Variants in TRPM2 observed in about 807,000 individuals in gnomAD.
The protein encoded by TRPM2 is transient receptor potential cation channel subfamily M member 2.
A neutral mutation model predicts 174.0 loss-of-function variants in TRPM2; 161 were observed. That is an observed-to-expected ratio of 0.93 (90% CI 0.81 to 1.05). TRPM2 has a LOEUF of 1.05. TRPM2 is among the 50% of genes least tolerant of loss of function. The probability of loss-of-function intolerance (pLI) is 0.00; values close to 1 mark genes in which losing one functional copy is unlikely to be tolerated. For synonymous variants in TRPM2, 954 were observed against 861.3 expected, an observed-to-expected ratio of 1.11 and a Z score of -1.88; for missense variants, 2,057 against 2,038.0, an observed-to-expected ratio of 1.01 and a Z score of -0.18.
At chr21:44,415,588 G>C (rs1280461517) in intron 20 of TRPM2, 1 of 152,218 alleles carries the variant, frequency 6.6e-6, no homozygotes, top group Non-Finnish European at 1.5e-5. Context: ...TGAGAGAAGA[G>C]TCTGATTGCT....
chr21:44,421,175 G>A lies in TRPM2; in HGVS notation c.3462-2470G>A, dbSNP rs150778455. Reference sequence around the variant, plus strand: ...TCTACTAAAAATACAAAAATTAGCCGGGTGTGGTGGCGTGCGCTTGTAATC... The same window carrying A: ...TCTACTAAAAATACAAAAATTAGCCAGGTGTGGTGGCGTGCGCTTGTAATC... On this transcript the variant is annotated intron_variant, in intron 22 of 31. Transcript: ENST00000397928. Among the ~76,000 whole-genome samples the A allele has an allele frequency of 8.0e-3, 1,224 of 152,242 alleles. 11 individuals are homozygous for A. The highest frequency in any genetic ancestry group is 0.026 in the African/African-American group (1,075 of 41,538).
Position 44,377,760 on chromosome 21 carries a change from C to G in TRPM2, c.1001C>G (p.Pro334Arg). 1 of 1,614,112 alleles carries G rather than the reference C, an allele frequency of 6.2e-7. No homozygotes were observed. The highest frequency in any genetic ancestry group is 8.5e-7 in the Non-Finnish European group (1 of 1,180,024). Residue 334 changes from proline to arginine, a missense_variant, in exon 7 of 32, where the codon CCG becomes CGG. Coordinates refer to ENST00000397928, the MANE Select transcript of TRPM2 (RefSeq NM_003307.4). ...PIVCVVLEGG[P>R]GTLHTIDNAT... Reference sequence around the variant, plus strand: ...GTGTGCGTGGTGCTGGAGGGCGGCCCGGGCACGTTGCACGTGAGTATGGCC... The same window carrying G: ...GTGTGCGTGGTGCTGGAGGGCGGCCGGGGCACGTTGCACGTGAGTATGGCC...
At chr21:44,377,966 G>A (rs1403461970) in intron 7 of TRPM2, among the ~76,000 whole-genome samples, 193 bp downstream of exon 7, 1 of 152,270 alleles carries the variant, frequency 6.6e-6, no homozygotes, top group African/African-American at 2.4e-5. Context: ...GTCGGAGGAA[G>A]GTGCCTGGAG....
chr21:44,380,405 G>A (rs923090124), intron 8 of TRPM2, among the ~76,000 whole-genome samples: 2 of 152,192 alleles, frequency 1.3e-5, no homozygotes, highest in African/African-American at 4.8e-5. Flanking sequence ...ATTGGGACTT[G>A]TCGGGCGGGC....
Position 44,400,118 on chromosome 21 carries a change from C to T in TRPM2, c.2209-141C>T. ...GACACCCAAAGCCCCAGGGCAAGCT[C>T]TGTGTCTTCACCACTTTCTGCTGTG... On this transcript the variant is annotated intron_variant, in intron 14 of 31. Coordinates refer to ENST00000397928, the MANE Select transcript of TRPM2 (RefSeq NM_003307.4). 6 of 664,400 alleles carry T rather than the reference C, an allele frequency of 9.0e-6. No individual in the cohort carries two copies. The Admixed American group carries it at 1.4e-4, about 16-fold the overall frequency. The allele number at this position is 664,400 out of a possible 1,614,324, so 41.2% of individuals were successfully genotyped here. A position where few individuals can be genotyped will look rare whatever the true frequency, so the allele number is the denominator to read the frequency against.
At chr21:44,395,599 C>A (rs201540225) in intron 12 of TRPM2, 48 bp downstream of exon 12, 2 of 1,607,434 alleles carry the variant, frequency 1.2e-6, no homozygotes, top group East Asian at 2.2e-5. Context: ...TATAGGCCAG[C>A]GGCCAGCTGG....
At chr21:44,352,756 G>A (rs2047948038), upstream of TRPM2, among the ~76,000 whole-genome samples, 3 of 152,310 alleles carry the variant, frequency 2.0e-5, no homozygotes, top group African/African-American at 2.4e-5. Context: ...TTGTGGCCTC[G>A]GTGATGAAGG....
chr21:44,364,432 G>C, intron 3 of TRPM2, 150 bp downstream of exon 3: 1 of 935,518 alleles, frequency 1.1e-6, no homozygotes, highest in South Asian at 1.6e-5. Flanking sequence ...GGAAGCGGCG[G>C]GGAGGGGCTC....
chr21:44,403,634 TATACACAC>T lies in TRPM2; in HGVS notation c.2539-1505_2539-1498del, dbSNP rs531208130. On this transcript the variant is annotated intron_variant, in intron 16 of 31. Transcript: ENST00000397928. ...ATAGGCACACACATTCATGCATATGTATACACACATGCACACATGCACACACATGCATA... is the reference window on the plus strand; with the variant it reads ...ATAGGCACACACATTCATGCATATGTATGCACACATGCACACACATGCATA... Among the ~76,000 whole-genome samples, 34 of 149,710 alleles carry T rather than the reference TATACACAC, an allele frequency of 2.3e-4. No individual in the cohort carries two copies. In the East Asian group the frequency reaches 5.7e-3, roughly 25 times the overall value.
chr21:44,420,797 G>C (rs1223820506), intron 22 of TRPM2, among the ~76,000 whole-genome samples: 1 of 152,190 alleles, frequency 6.6e-6, no homozygotes, highest in African/African-American at 2.4e-5. Flanking sequence ...ATGATGGCTG[G>C]CATGTGTTAA....
At chr21:44,361,395 G>A (rs912973128) in intron 2 of TRPM2, among the ~76,000 whole-genome samples, 5 of 152,200 alleles carry the variant, frequency 3.3e-5, no homozygotes, top group Non-Finnish European at 7.3e-5. Context: ...TTACAGGTGT[G>A]AGCTACCACA....
At chr21:44,392,607 G>A (rs1482085873) in intron 11 of TRPM2, among the ~76,000 whole-genome samples, 1 of 151,910 alleles carries the variant, frequency 6.6e-6, no homozygotes, top group Non-Finnish European at 1.5e-5. Flanking sequence ...ATCCACTTAG[G>A]AACCCACAAT....
chr21:44,353,556 C>T (rs9975520), upstream of TRPM2: 25,035 of 1,084,566 alleles, frequency 0.023, 3,703 homozygotes, highest in African/African-American at 0.34. Context: ...TGGCCAGGTC[C>T]TCTCAGAACA....
intron 29 of TRPM2, 91 bp downstream of exon 29, chr21:44,437,258 C>A: frequency 9.4e-7 from 1 of 1,068,008 alleles, no homozygotes; most frequent in Non-Finnish European, 1.4e-6. Flanking sequence ...TGGACACCAG[C>A]CCCCTGCAGC....
chr21:44,421,160 A>G (rs1397453128), intron 22 of TRPM2, among the ~76,000 whole-genome samples: 1 of 152,188 alleles, frequency 6.6e-6, no homozygotes, highest in Non-Finnish European at 1.5e-5. Context: ...TCTACTAAAA[A>G]TACAAAAATT....
At position 44,391,643 on chromosome 21, in the gene TRPM2, G is replaced by GGCCCATCCTGGACTCGTC. The variant is rs1254935989; in HGVS notation, c.1794+19_1794+36dup. The GGCCCATCCTGGACTCGTC allele has an allele frequency of 2.6e-6, 4 of 1,553,260 alleles. No individual in the cohort carries two copies. The Admixed American group carries it at 7.3e-5, about 28-fold the overall frequency. The stretch of plus-strand genomic sequence containing the variant: ...AGCTCAACGTGCGTGCTGGTAACGG[G>GGCCCATCCTGGACTCGTC]GCCCATCCTGGACTCGTCTTCGCGG... On this transcript the variant is annotated intron_variant, in intron 11 of 31. Transcript: ENST00000397928. This position sits in a 1 kb window ranked among gnomAD's most constrained non-coding sequence, Gnocchi z 5.0.
At chr21:44,402,948 C>G (rs935938744) in intron 16 of TRPM2, among the ~76,000 whole-genome samples, 1 of 152,172 alleles carries the variant, frequency 6.6e-6, no homozygotes, top group African/African-American at 2.4e-5. Flanking sequence ...AAGCAGTGTG[C>G]ACTGTGTAAA....
intron 4 of TRPM2, 149 bp from the exon 5 acceptor site, chr21:44,369,028 C>T (rs1050405769): frequency 8.2e-5 from 71 of 866,842 alleles, no homozygotes; most frequent in Non-Finnish European, 1.0e-4. Flanking sequence ...TTCCTTACAC[C>T]TGATGCTGGT....
intron 18 of TRPM2, among the ~76,000 whole-genome samples, chr21:44,406,364 C>T (rs1371694683): frequency 6.6e-6 from 1 of 152,104 alleles, no homozygotes; most frequent in Non-Finnish European, 1.5e-5. Flanking sequence ...AGCTTTCCTC[C>T]TTGGGTCACG....
Sources: allele counts gnomAD v4.1 joint callset (sites outside exome capture counted in the v4.1 genomes callset), GRCh38; gene constraint gnomAD v4.1.1; non-coding constraint Gnocchi (gnomAD v3.1); transcripts MANE v1.5; gene names NCBI Gene and HGNC (gene_info 2026-07-23, HGNC 2026-07-21).